Variants in PIK3C2B observed in about 807,000 individuals in gnomAD.
PIK3C2B encodes phosphatidylinositol 4-phosphate 3-kinase C2 domain-containing subunit beta.
Under a neutral mutation model 184.3 loss-of-function variants are expected in PIK3C2B, and 83 were observed. The observed-to-expected ratio is 0.45, with a 90% CI of 0.38 to 0.54. The LOEUF (loss-of-function observed/expected upper bound fraction) is 0.54, where lower values mean the gene tolerates loss of function less well. Among genes scored for constraint, PIK3C2B ranks in the 20% least tolerant of loss-of-function variants. PIK3C2B has a pLI of 0.00. For synonymous variants in PIK3C2B, 779 were observed against 837.6 expected, an observed-to-expected ratio of 0.93 and a Z score of 1.21; for missense variants, 1,736 against 2,113.5, an observed-to-expected ratio of 0.82 and a Z score of 3.50.
rs180886813 is a variant in PIK3C2B at position 204,477,509 on chromosome 1, G to A, written c.-84-7623C>T. Reference sequence around the variant, plus strand: ...GCCCACAGATGGCTGAGGGCTAGCCGGGGAGGAAATGGGGTCAGGACAGAG... The same window carrying A: ...GCCCACAGATGGCTGAGGGCTAGCCAGGGAGGAAATGGGGTCAGGACAGAG... On this transcript the variant is annotated intron_variant, in intron 1 of 32. Coordinates refer to ENST00000684373, the MANE Select transcript of PIK3C2B (RefSeq NM_001377334.1). 3.1e-4 allele frequency among the ~76,000 whole-genome samples: 47 copies of A among 152,302 alleles called. No individual in the cohort carries two copies. In the East Asian group the frequency reaches 7.0e-3, roughly 23 times the overall value.
At chr1:204,450,979 C>T (rs888507794) in intron 12 of PIK3C2B, among the ~76,000 whole-genome samples, 1 of 152,236 alleles carries the variant, frequency 6.6e-6, no homozygotes, top group Non-Finnish European at 1.5e-5. Context: ...TTGGCAGTTT[C>T]ATGATAAAGC....
Position 204,449,974 on chromosome 1 carries a change from G to C in PIK3C2B, c.2110C>G (p.Leu704Val), listed in dbSNP as rs1654214160. The C allele has an allele frequency of 1.2e-6, 2 of 1,601,316 alleles. No homozygotes were observed. Among genetic ancestry groups the C allele is most frequent in the Non-Finnish European group, 1.7e-6 (2 of 1,173,960 alleles). The change falls in exon 13 of 33, where the codon CTG (leucine) becomes GTG (valine). Residue 704 changes from leucine (L) to valine (V), a missense_variant. Physicochemically the swap from Leu to Val is conservative, Grantham distance 32 (BLOSUM62 1). Around this residue, in one of 8 missense-constraint regions of PIK3C2B, gnomAD observed 609 missense variants for 699.2 expected, o/e 0.87. Coordinates refer to ENST00000684373, the MANE Select transcript of PIK3C2B (RefSeq NM_001377334.1). ...AGAGCATAGAGAGTGGCACACAGCAGTGTCTCCCGAGGCAGCCGGTTCACC... is the reference window on the plus strand; with the variant it reads ...AGAGCATAGAGAGTGGCACACAGCACTGTCTCCCGAGGCAGCCGGTTCACC... ...VQVNRLPRETLLCATLYALPI... is the reference protein window; with the variant it reads ...VQVNRLPRETVLCATLYALPI...
intron 5 of PIK3C2B, among the ~76,000 whole-genome samples, chr1:204,463,017 C>T (rs1013804611): frequency 7.9e-5 from 12 of 152,042 alleles, no homozygotes; most frequent in South Asian, 2.1e-4. Flanking sequence ...AGTGAGATGG[C>T]GCCACAGCAC....
At chr1:204,442,698 T>G in intron 19 of PIK3C2B, 65 bp from the exon 20 acceptor site, 2 of 1,118,658 alleles carry the variant, frequency 1.8e-6, no homozygotes, top group Non-Finnish European at 2.6e-6. Flanking sequence ...ACCAGACCTC[T>G]CCCAGGGGTG....
rs911508985 is a variant in PIK3C2B, at chr1:204,494,769, G to A, written c.-498C>T. Reference sequence around the variant, plus strand: ...GGCCAGACCCTGCCTGGACAGGCAGGCACCCGGCCGCCGGCTCCAGCCGCA... The same window carrying A: ...GGCCAGACCCTGCCTGGACAGGCAGACACCCGGCCGCCGGCTCCAGCCGCA... On this transcript the variant is annotated 5_prime_UTR_variant, in exon 1 of 33. Coordinates refer to ENST00000684373, the MANE Select transcript of PIK3C2B (RefSeq NM_001377334.1). The A allele has an allele frequency of 6.6e-6, 1 of 152,126 alleles. No homozygotes were observed. Among genetic ancestry groups the A allele is most frequent in the Non-Finnish European group, 1.5e-5 (1 of 68,002 alleles). 9.4% of individuals were successfully genotyped at this position (152,126 alleles called of 1,614,324 possible).
Position 204,459,960 on chromosome 1 carries a change from G to T in PIK3C2B, c.1503-19C>A. On this transcript the variant is annotated intron_variant, in intron 7 of 32. Coordinates refer to ENST00000684373, the MANE Select transcript of PIK3C2B (RefSeq NM_001377334.1). ...GGCCTGCCTGGGAGTTGGGGGCAGG[G>T]AAAAACCACAGGAGAGGTCATGAAA... 1 of 1,610,978 alleles carries T rather than the reference G, an allele frequency of 6.2e-7. No homozygotes were observed. Among genetic ancestry groups the T allele is most frequent in the South Asian group, 1.1e-5 (1 of 90,760 alleles).
chr1:204,473,333 T>C lies in PIK3C2B; in HGVS notation c.-84-3447A>G, dbSNP rs147022998. ...CCGGCCCAAGCCCAGCCTCAGAGTA[T>C]CTAAAGCAGTTCACTGTTAACTTAA... is the stretch of plus-strand genomic sequence containing the variant. On this transcript the variant is annotated intron_variant, in intron 1 of 32. Transcript: ENST00000684373. 8.5e-4 allele frequency among the ~76,000 whole-genome samples: 129 copies of C among 152,358 alleles called. 1 individual carries two copies. The highest frequency in any genetic ancestry group is 3.4e-3 in the Middle Eastern group (1 of 294).
At chr1:204,436,243 A>G (rs1675335267) in intron 23 of PIK3C2B, among the ~76,000 whole-genome samples, 1 of 152,216 alleles carries the variant, frequency 6.6e-6, no homozygotes, top group Admixed American at 6.5e-5. Flanking sequence ...TGAAACTACC[A>G]GCATTGCTGG....
Position 204,447,315 on chromosome 1 carries a change from C to T in PIK3C2B, c.2489+121G>A. ...GAGAAAGGCCTGGGGGCTGCCTCCA[C>T]TTCCTGCTGAGATGGCAATGCCCAC... On this transcript the variant is annotated intron_variant, in intron 15 of 32. Coordinates refer to ENST00000684373, the MANE Select transcript of PIK3C2B (RefSeq NM_001377334.1). The surrounding 1 kb of genome is among the most constrained non-coding windows in gnomAD (Gnocchi z 4.1). The T allele has an allele frequency of 1.1e-6, 1 of 950,762 alleles. No homozygotes were observed. Among genetic ancestry groups the T allele is most frequent in the East Asian group, 2.5e-5 (1 of 39,740 alleles). 58.9% of individuals were successfully genotyped at this position (950,762 alleles called of 1,614,324 possible). A position where few individuals can be genotyped will look rare whatever the true frequency, so the allele number is the denominator to read the frequency against.
chr1:204,424,508 T>TCCCC lies in PIK3C2B; in HGVS notation c.*343_*344insGGGG. The TCCCC allele has an allele frequency of 2.8e-6, 1 of 358,416 alleles. No individual in the cohort carries two copies. The allele number at this position is 358,416 out of a possible 1,614,324, so 22.2% of individuals were successfully genotyped here. On this transcript the variant is annotated 3_prime_UTR_variant, in exon 33 of 33. Coordinates refer to ENST00000684373, the MANE Select transcript of PIK3C2B (RefSeq NM_001377334.1). Reference sequence around the variant, plus strand: ...TTTTTTAAAAATAAAAATTAAGATATCCACCCACCCACCCCCAAAATGCTA... The same window carrying TCCCC: ...TTTTTTAAAAATAAAAATTAAGATATCCCCCCACCCACCCACCCCCAAAATGCTA...
At chr1:204,468,310 C>T (rs998297013) in intron 2 of PIK3C2B, among the ~76,000 whole-genome samples, 42 of 152,066 alleles carry the variant, frequency 2.8e-4, no homozygotes, top group African/African-American at 8.7e-4. Context: ...GGCTTAGGAA[C>T]GAGAGAGGCC....
intron 5 of PIK3C2B, among the ~76,000 whole-genome samples, chr1:204,463,746 C>A (rs1030853658): frequency 3.8e-5 from 5 of 130,358 alleles, no homozygotes; most frequent in African/African-American, 1.4e-4. Flanking sequence ...TAAGCAGAAT[C>A]TGCAAGCAGA....
intron 5 of PIK3C2B, among the ~76,000 whole-genome samples, chr1:204,461,639 T>C (rs1655343707): frequency 6.6e-6 from 1 of 151,756 alleles, no homozygotes; most frequent in Non-Finnish European, 1.5e-5. Flanking sequence ...GAGTGAGGGG[T>C]TCTCCACATC....
chr1:204,431,566 C>T (rs972167671), intron 28 of PIK3C2B, 103 bp downstream of exon 28: 3 of 1,422,904 alleles, frequency 2.1e-6, no homozygotes, highest in Non-Finnish European at 3.0e-6. Context: ...GATGTTTAGT[C>T]CAAAAGGGTA....
chr1:204,448,447 T>C (rs1654060401), intron 14 of PIK3C2B, among the ~76,000 whole-genome samples: 1 of 152,086 alleles, frequency 6.6e-6, no homozygotes, highest in South Asian at 2.1e-4. Context: ...CCAGGCATTT[T>C]CTAGAGTCTG....
intron 1 of PIK3C2B, among the ~76,000 whole-genome samples, chr1:204,485,525 C>T (rs1348460496): frequency 6.6e-6 from 1 of 152,046 alleles, no homozygotes; most frequent in Non-Finnish European, 1.5e-5. Flanking sequence ...TATCTGCTCT[C>T]CACTGCCAGG....
At chr1:204,427,029 A>T (rs1320501593) in intron 31 of PIK3C2B, among the ~76,000 whole-genome samples, 1 of 152,050 alleles carries the variant, frequency 6.6e-6, no homozygotes, top group Non-Finnish European at 1.5e-5. Flanking sequence ...AGTCCCAGCT[A>T]CTCAGGCTGA....
intron 12 of PIK3C2B, among the ~76,000 whole-genome samples, chr1:204,454,206 G>C (rs2103495135): frequency 6.7e-6 from 1 of 150,044 alleles, no homozygotes; most frequent in South Asian, 2.1e-4. Flanking sequence ...GTGGAGGCCA[G>C]GCGTGGTGGC....
chr1:204,440,411 A>C, intron 21 of PIK3C2B, 90 bp from the exon 22 acceptor site: 2 of 1,367,074 alleles, frequency 1.5e-6, no homozygotes, highest in Non-Finnish European at 9.9e-7. Context: ...CCCTAAACTA[A>C]CAGTGACAGG....
Sources: allele counts gnomAD v4.1 joint callset (sites outside exome capture counted in the v4.1 genomes callset), GRCh38; gene constraint gnomAD v4.1.1; regional missense constraint gnomAD v4.1.1; non-coding constraint Gnocchi (gnomAD v3.1); transcripts MANE v1.5; gene names NCBI Gene and HGNC (gene_info 2026-07-23, HGNC 2026-07-21).